ATP8A2: variants seen among roughly 807,000 people sequenced by gnomAD.
The protein encoded by ATP8A2 is ATPase phospholipid transporting 8A2.
In ATP8A2, 100 loss-of-function variants were observed where a neutral mutation model predicts 165.6. The observed-to-expected ratio is 0.60, with a 90% CI of 0.51 to 0.71. ATP8A2 has a LOEUF of 0.71. ATP8A2 is among the 30% of genes least tolerant of loss of function. The pLI is 0.00. For missense variants in ATP8A2, 1,227 were observed against 1,479.5 expected (o/e 0.83, Z 2.80); for synonymous variants, 543 against 548.8 (o/e 0.99, Z 0.15).
At chr13:25,715,660 AT>A (rs1407921872) in intron 25 of ATP8A2, among the ~76,000 whole-genome samples, 1 of 152,222 alleles carries the variant, frequency 6.6e-6, no homozygotes, top group East Asian at 1.9e-4. Flanking sequence ...TTGCCAAAAA[AT>A]ATTTCATTGT....
At chr13:25,618,984 C>T (rs957469888) in intron 24 of ATP8A2, among the ~76,000 whole-genome samples, 6 of 152,118 alleles carry the variant, frequency 3.9e-5, no homozygotes, top group Non-Finnish European at 8.8e-5. Context: ...GGCTAGGTTA[C>T]CCTGACCACT....
intron 27 of ATP8A2, among the ~76,000 whole-genome samples, chr13:25,811,728 G>A (rs217889): frequency 0.96 from 146,468 of 152,204 alleles, 70,719 homozygotes; most frequent in East Asian, 1. Context: ...AGGCGTGGTG[G>A]CATGTTCCTA....
chr13:25,544,286 G>T (rs1329278444), intron 10 of ATP8A2, among the ~76,000 whole-genome samples: 2 of 152,214 alleles, frequency 1.3e-5, no homozygotes, highest in Non-Finnish European at 2.9e-5. Flanking sequence ...GTGTATAGGA[G>T]GGTCATTCAA....
chr13:25,482,409 G>A (rs1028688923), intron 2 of ATP8A2, among the ~76,000 whole-genome samples: 4 of 152,116 alleles, frequency 2.6e-5, no homozygotes, highest in Non-Finnish European at 4.4e-5. Context: ...GTAGAAGGAC[G>A]GGGCAAAACT....
intron 27 of ATP8A2, among the ~76,000 whole-genome samples, chr13:25,785,328 A>G (rs927961180): frequency 2.0e-5 from 3 of 152,002 alleles, no homozygotes; most frequent in African/African-American, 7.2e-5. Context: ...TGAACCCATG[A>G]GGCAGAGGCT....
intron 25 of ATP8A2, 23 bp downstream of exon 25, chr13:25,699,368 C>T (rs2137912884): frequency 6.3e-7 from 1 of 1,576,420 alleles, no homozygotes; most frequent in East Asian, 2.3e-5. Context: ...AGGCTGTGCA[C>T]AGTTCACACT....
At chr13:25,554,011 A>G (rs570167455) in intron 12 of ATP8A2, 91 bp downstream of exon 12, 3 of 1,370,222 alleles carry the variant, frequency 2.2e-6, no homozygotes, top group South Asian at 1.3e-5. Context: ...GAAGAACTAT[A>G]TTCATTTACC....
At chr13:25,859,961 C>CATTT (rs1952296645) in intron 30 of ATP8A2, among the ~76,000 whole-genome samples, 1 of 146,874 alleles carries the variant, frequency 6.8e-6, no homozygotes, top group African/African-American at 2.4e-5. Flanking sequence ...GCAGATCAAG[C>CATTT]GTTTGGTTGG....
At chr13:25,959,777 T>C (rs967291102) in intron 33 of ATP8A2, among the ~76,000 whole-genome samples, 11 of 152,258 alleles carry the variant, frequency 7.2e-5, no homozygotes, top group African/African-American at 2.4e-4. Context: ...ATAGATCTTG[T>C]CCTGGGACAT....
chr13:25,880,429 A>G (rs1053863708), intron 33 of ATP8A2, among the ~76,000 whole-genome samples: 14 of 151,860 alleles, frequency 9.2e-5, no homozygotes, highest in African/African-American at 3.4e-4. Flanking sequence ...GTATTATGTC[A>G]TTTTATTAAT....
rs568065321 is a variant in ATP8A2 at position 25,722,598 on chromosome 13, G to A, written c.2384+23253G>A. 5.3e-5 allele frequency among the ~76,000 whole-genome samples: 8 copies of A among 152,208 alleles called. No homozygotes were observed. The East Asian group carries it at 1.5e-3, about 29-fold the overall frequency. ...CCCATATCATCCAGAAGGGACTTTG[G>A]TGCTGCTACAGAATTTATTATTAGT... On this transcript the variant is annotated intron_variant, in intron 25 of 36. Transcript: ENST00000381655.
intron 27 of ATP8A2, among the ~76,000 whole-genome samples, chr13:25,782,761 A>C (rs920353899): frequency 6.6e-6 from 1 of 152,112 alleles, no homozygotes; most frequent in African/African-American, 2.4e-5. Flanking sequence ...TTTTTTTGAG[A>C]CGGAGTTTCA....
At chr13:25,737,634 G>T (rs1380156623) in intron 25 of ATP8A2, among the ~76,000 whole-genome samples, 1 of 152,084 alleles carries the variant, frequency 6.6e-6, no homozygotes, top group Non-Finnish European at 1.5e-5. Context: ...GAGTAGCTGG[G>T]ACCACAGGCA....
At chr13:25,625,123 A>G (rs1029631589) in intron 24 of ATP8A2, among the ~76,000 whole-genome samples, 2 of 152,214 alleles carry the variant, frequency 1.3e-5, no homozygotes, top group Admixed American at 6.5e-5. Flanking sequence ...ATGAGAGATT[A>G]GTTGTGGATC....
intron 24 of ATP8A2, among the ~76,000 whole-genome samples, chr13:25,600,839 G>C (rs1002610889): frequency 6.6e-6 from 1 of 152,190 alleles, no homozygotes; most frequent in Admixed American, 6.5e-5. Flanking sequence ...CATGGAAGAA[G>C]ACAGAAATAA....
At chr13:25,539,017 G>A (rs1226271443) in intron 7 of ATP8A2, among the ~76,000 whole-genome samples, 3 of 151,490 alleles carry the variant, frequency 2.0e-5, no homozygotes, top group Non-Finnish European at 2.9e-5. Flanking sequence ...TTGATAGTTC[G>A]GGCTTTAAGT....
At chr13:25,682,627 C>T (rs1053448224) in intron 24 of ATP8A2, among the ~76,000 whole-genome samples, 5 of 152,232 alleles carry the variant, frequency 3.3e-5, no homozygotes, top group East Asian at 1.9e-4. Flanking sequence ...GCAGGCTGGC[C>T]GATTGAGTTA....
At chr13:25,952,561 A>G (rs1373078138) in intron 33 of ATP8A2, among the ~76,000 whole-genome samples, 5 of 152,058 alleles carry the variant, frequency 3.3e-5, no homozygotes, top group African/African-American at 1.2e-4. Context: ...TTTTTTGTAG[A>G]AACAGGGTCT....
At chr13:25,821,355 T>C (rs955368251) in intron 27 of ATP8A2, among the ~76,000 whole-genome samples, 1 of 152,200 alleles carries the variant, frequency 6.6e-6, no homozygotes, top group South Asian at 2.1e-4. Flanking sequence ...CCTCGTATGT[T>C]TTCAACAGCT....
Sources: gnomAD v4.1 joint callset for allele counts (sites outside exome capture counted in the v4.1 genomes callset) on GRCh38, gnomAD v4.1.1 for gene constraint, MANE v1.5 for transcripts, NCBI Gene and HGNC (gene_info 2026-07-23, HGNC 2026-07-21) for gene names.